SBF2: variants seen among roughly 807,000 people sequenced by gnomAD.
The protein encoded by SBF2 is SET binding factor 2.
A neutral mutation model predicts 225.2 loss-of-function variants in SBF2; 112 were observed. The observed-to-expected ratio is 0.50, with a 90% CI of 0.43 to 0.58. The LOEUF (loss-of-function observed/expected upper bound fraction) is 0.58. Ranked by LOEUF, SBF2 falls within the 20% of genes least tolerant of loss-of-function variation. SBF2 has a pLI of 0.00. For synonymous variants in SBF2, 763 were observed against 773.3 expected (o/e 0.99, Z 0.22); for missense variants, 1,996 against 2,206.2 (o/e 0.90, Z 1.91).
chr11:10,063,046 A>G (rs988997880), intron 2 of SBF2, among the ~76,000 whole-genome samples: 1 of 152,172 alleles, frequency 6.6e-6, no homozygotes, highest in African/African-American at 2.4e-5. Flanking sequence ...CGGACCATGG[A>G]TGGAGCTACA....
chr11:10,300,016 A>C (rs1279894646), intron 1 of SBF2, among the ~76,000 whole-genome samples: 1 of 152,094 alleles, frequency 6.6e-6, no homozygotes, highest in East Asian at 1.9e-4. Context: ...CATTCTATGC[A>C]TTCCTATCAA....
chr11:9,940,628 T>C (rs1376282780), intron 16 of SBF2, among the ~76,000 whole-genome samples: 1 of 152,172 alleles, frequency 6.6e-6, no homozygotes, highest in African/African-American at 2.4e-5. Flanking sequence ...TGTAGGAATA[T>C]AATACACATT....
chr11:9,779,190 G>GCAT lies in SBF2; in HGVS notation c.*1225_*1227dup, dbSNP rs1851879913. On this transcript the variant is annotated 3_prime_UTR_variant, in exon 40 of 40. Transcript: ENST00000256190. ...ATTTCATTATTGAAATCTTATGAAT[G>GCAT]CATCAGTTAATTTATATTAAATTAT... The GCAT allele has an allele frequency of 6.6e-6, 1 of 152,498 alleles. No individual in the cohort carries two copies. The highest frequency in any genetic ancestry group is 1.5e-5 in the Non-Finnish European group (1 of 68,026). 9.4% of individuals were successfully genotyped at this position (152,498 alleles called of 1,614,324 possible).
At chr11:10,226,846 G>C (rs577563774) in intron 1 of SBF2, among the ~76,000 whole-genome samples, 1 of 152,190 alleles carries the variant, frequency 6.6e-6, no homozygotes, top group Admixed American at 6.5e-5. Flanking sequence ...TATATACCCA[G>C]TAATGGGATG....
At chr11:9,841,723 A>G (rs1856166703) in intron 25 of SBF2, among the ~76,000 whole-genome samples, 1 of 152,090 alleles carries the variant, frequency 6.6e-6, no homozygotes, top group Admixed American at 6.6e-5. Context: ...CAGTAGCAAC[A>G]GGGTTTCGCC....
At position 10,150,529 on chromosome 11, in the gene SBF2, T is replaced by C. The variant is rs566477269; in HGVS notation, c.141+43373A>G. On this transcript the variant is annotated intron_variant, in intron 2 of 39. Coordinates refer to ENST00000256190, the MANE Select transcript of SBF2 (RefSeq NM_030962.4). ...AATAATTTAATATTTAAATTTACTTTGAAATGTTTTAAAATCTATTTCAAA... is the reference window on the plus strand; with the variant it reads ...AATAATTTAATATTTAAATTTACTTCGAAATGTTTTAAAATCTATTTCAAA... Among the ~76,000 whole-genome samples, 6 of 152,290 alleles carry C rather than the reference T, an allele frequency of 3.9e-5. No individual in the cohort carries two copies. In the East Asian group the frequency reaches 1.2e-3, roughly 29 times the overall value.
intron 2 of SBF2, among the ~76,000 whole-genome samples, chr11:10,049,291 G>A (rs1365626702): frequency 3.9e-5 from 6 of 152,074 alleles, no homozygotes; most frequent in Non-Finnish European, 8.8e-5. Context: ...ATTTAAAAGT[G>A]GGTAAATTTA....
At chr11:10,072,116 T>C (rs948162400) in intron 2 of SBF2, among the ~76,000 whole-genome samples, 11 of 152,364 alleles carry the variant, frequency 7.2e-5, no homozygotes, top group Admixed American at 2.6e-4. Context: ...ATTTGAATAG[T>C]ACAATGAAAC....
At chr11:10,188,268 A>G (rs1043242607) in intron 2 of SBF2, among the ~76,000 whole-genome samples, 1 of 152,254 alleles carries the variant, frequency 6.6e-6, no homozygotes, top group Non-Finnish European at 1.5e-5. Context: ...GCAAAAAGGA[A>G]CTGGAACTTA....
intron 2 of SBF2, among the ~76,000 whole-genome samples, chr11:10,158,302 A>G (rs56319831): frequency 0.25 from 38,386 of 151,958 alleles, 5,003 homozygotes; most frequent in Middle Eastern, 0.32. Context: ...AGCAAACTAA[A>G]TCAGCGGAAG....
intron 2 of SBF2, among the ~76,000 whole-genome samples, chr11:10,134,455 C>T (rs569680771): frequency 5.9e-4 from 90 of 152,242 alleles, no homozygotes; most frequent in African/African-American, 1.8e-3. Flanking sequence ...TCAGCATTAA[C>T]GTGAAAGTCC....
intron 2 of SBF2, among the ~76,000 whole-genome samples, chr11:10,055,274 ATGC>A (rs1950211322): frequency 6.6e-6 from 1 of 152,188 alleles, no homozygotes; most frequent in African/African-American, 2.4e-5. Flanking sequence ...GAACACTTAT[ATGC>A]TGCTGCTGGG....
chr11:9,967,971 C>CTCTCTCTCTCTCTCTCTCTCTCTCTATA (rs1260685462), intron 14 of SBF2, among the ~76,000 whole-genome samples: 1 of 91,508 alleles, frequency 1.1e-5, no homozygotes, highest in African/African-American at 3.8e-5. Flanking sequence ...CTCTCTCTCT[C>CTCTCTCTCTCTCTCTCTCTCTCTCTATA]TATATATATA....
In SBF2 at chr11:9,785,103, C is replaced by T. The variant is rs770857631; in HGVS notation, c.5231+22G>A. The T allele has an allele frequency of 1.1e-5, 18 of 1,611,014 alleles. 1 individual carries two copies. The Middle Eastern group carries it at 6.7e-4, about 60-fold the overall frequency. ...TGCTGTGGGGAAGTCTTCAGCACAG[C>T]GAGCAGGGTTCAGCATGTCACCTGT... On this transcript the variant is annotated intron_variant, in intron 37 of 39. Coordinates refer to ENST00000256190, the MANE Select transcript of SBF2 (RefSeq NM_030962.4).
chr11:10,245,241 T>C (rs1207081612), intron 1 of SBF2, among the ~76,000 whole-genome samples: 1 of 149,966 alleles, frequency 6.7e-6, no homozygotes, highest in Admixed American at 6.6e-5. Flanking sequence ...ACATTACTCA[T>C]AAAAATCAAA....
chr11:10,131,625 G>A (rs183232284), intron 2 of SBF2, among the ~76,000 whole-genome samples: 66 of 152,198 alleles, frequency 4.3e-4, no homozygotes, highest in Non-Finnish European at 3.2e-4. Context: ...GTAGAGACAG[G>A]ATTTCTCCAT....
At chr11:9,787,836 T>A in intron 35 of SBF2, 98 bp from the exon 36 acceptor site, 1 of 1,014,488 alleles carries the variant, frequency 9.9e-7, no homozygotes, top group Non-Finnish European at 1.5e-6. Flanking sequence ...ATGAGCAGCA[T>A]GGCCAGAGGG....
At position 10,229,901 on chromosome 11, in the gene SBF2, T is replaced by C. The variant is rs537495190; in HGVS notation, c.56-35914A>G. Among the ~76,000 whole-genome samples the C allele has an allele frequency of 3.3e-5, 5 of 152,344 alleles. No homozygotes were observed. In the East Asian group the frequency reaches 7.7e-4, roughly 23 times the overall value. ...TTCTGTCTGGTTGATCTGTCTAATG[T>C]TGACAGTGGGATGTTAAAGTCTCCC... is the stretch of plus-strand genomic sequence containing the variant. On this transcript the variant is annotated intron_variant, in intron 1 of 39. Transcript: ENST00000256190.
chr11:10,141,856 T>C (rs550439682), intron 2 of SBF2, among the ~76,000 whole-genome samples: 27 of 152,272 alleles, frequency 1.8e-4, no homozygotes, highest in Admixed American at 1.2e-3. Flanking sequence ...CAAGAAACTA[T>C]GCCAGAAAAT....
Sources: allele counts gnomAD v4.1 joint callset (sites outside exome capture counted in the v4.1 genomes callset), GRCh38; gene constraint gnomAD v4.1.1; transcripts MANE v1.5; gene names NCBI Gene and HGNC (gene_info 2026-07-23, HGNC 2026-07-21).